The following CORIN variants were observed in gnomAD, a reference collection of about 807,000 sequenced individuals.
The protein encoded by CORIN is atrial natriuretic peptide-converting enzyme.
A neutral mutation model predicts 125.3 loss-of-function variants in CORIN; 117 were observed. The ratio of observed to expected loss-of-function variants is 0.93; its 90% CI spans 0.80 to 1.09. The LOEUF is 1.09. CORIN is among the 50% of genes least tolerant of loss of function. The probability of loss-of-function intolerance (pLI) is 0.00; values close to 1 mark genes in which losing one functional copy is unlikely to be tolerated. For missense variants in CORIN, 1,253 were observed against 1,306.7 expected (o/e 0.96, Z 0.63); for synonymous variants, 450 against 466.4 (o/e 0.96, Z 0.45).
intron 2 of CORIN, among the ~76,000 whole-genome samples, chr4:47,793,260 C>G (rs1731155773): frequency 6.6e-6 from 1 of 152,078 alleles, no homozygotes; most frequent in Non-Finnish European, 1.5e-5. Context: ...ACATCAATCC[C>G]CGAGCAGAAC....
intron 5 of CORIN, among the ~76,000 whole-genome samples, chr4:47,738,926 A>T (rs1399258109): frequency 6.6e-6 from 1 of 151,918 alleles, no homozygotes; most frequent in Admixed American, 6.6e-5. Flanking sequence ...AACTGAAATT[A>T]AAAATTTACT....
chr4:47,823,656 G>C (rs749265940), intron 1 of CORIN, among the ~76,000 whole-genome samples: 4 of 152,172 alleles, frequency 2.6e-5, no homozygotes. Flanking sequence ...CAGAGGTCCA[G>C]ATCTACTATA....
At chr4:47,640,215 T>C (rs1723182504) in intron 16 of CORIN, among the ~76,000 whole-genome samples, 1 of 152,128 alleles carries the variant, frequency 6.6e-6, no homozygotes, top group Non-Finnish European at 1.5e-5. Context: ...TTTTTAAAAA[T>C]CCACTGTGCA....
intron 5 of CORIN, among the ~76,000 whole-genome samples, chr4:47,719,749 A>G (rs1193578235): frequency 6.6e-6 from 1 of 152,214 alleles, no homozygotes; most frequent in Non-Finnish European, 1.5e-5. Flanking sequence ...GAAAATTGGA[A>G]ACAGCTTAGC....
intron 5 of CORIN, among the ~76,000 whole-genome samples, chr4:47,696,646 C>G (rs114756375): frequency 1.3e-5 from 2 of 152,092 alleles, no homozygotes; most frequent in African/African-American, 4.8e-5. Context: ...GTTTACATGT[C>G]CAGATGATGG....
intron 5 of CORIN, among the ~76,000 whole-genome samples, chr4:47,734,391 C>T (rs892231244): frequency 8.5e-5 from 13 of 152,148 alleles, no homozygotes; most frequent in African/African-American, 3.1e-4. Flanking sequence ...GTCCACAGTG[C>T]CGAATATCTT....
chr4:47,659,041 T>G (rs1431850150), intron 12 of CORIN, among the ~76,000 whole-genome samples: 1 of 152,218 alleles, frequency 6.6e-6, no homozygotes, highest in Non-Finnish European at 1.5e-5. Flanking sequence ...CAACAGATCC[T>G]TAGGGCATAA....
intron 2 of CORIN, among the ~76,000 whole-genome samples, chr4:47,795,240 T>C (rs1451987820): frequency 6.6e-6 from 1 of 152,158 alleles, no homozygotes; most frequent in Non-Finnish European, 1.5e-5. Flanking sequence ...TCTATCTTTG[T>C]CGTTTCTGCT....
At chr4:47,752,885 T>G (rs1268355568) in intron 4 of CORIN, among the ~76,000 whole-genome samples, 2 of 152,174 alleles carry the variant, frequency 1.3e-5, no homozygotes, top group Non-Finnish European at 2.9e-5. Flanking sequence ...GTGCAATTGT[T>G]GAATTATTTT....
intron 1 of CORIN, among the ~76,000 whole-genome samples, chr4:47,830,482 C>T (rs1452577095): frequency 1.3e-5 from 2 of 152,200 alleles, no homozygotes; most frequent in African/African-American, 4.8e-5. Context: ...TCCCTGCACT[C>T]ATGGTTTAGG....
chr4:47,655,435 G>A (rs1299345962), intron 12 of CORIN, among the ~76,000 whole-genome samples: 1 of 152,130 alleles, frequency 6.6e-6, no homozygotes, highest in East Asian at 1.9e-4. Context: ...TGAGTCAGAG[G>A]GGAGCCCCCT....
At chr4:47,630,002 G>C (rs1291319948) in intron 16 of CORIN, among the ~76,000 whole-genome samples, 2 of 152,146 alleles carry the variant, frequency 1.3e-5, no homozygotes, top group African/African-American at 4.8e-5. Context: ...ACCCTACACA[G>C]TTCTCCCCCA....
chr4:47,774,706 C>T (rs1048178140), intron 3 of CORIN, among the ~76,000 whole-genome samples: 3 of 152,072 alleles, frequency 2.0e-5, no homozygotes, highest in Non-Finnish European at 4.4e-5. Context: ...TTATCATGTG[C>T]CAGACTGTAA....
intron 5 of CORIN, chr4:47,706,780 T>A: frequency 1.3e-6 from 2 of 1,598,496 alleles, no homozygotes; most frequent in Non-Finnish European, 1.7e-6. Context: ...TCCTCATTGA[T>A]CCATTCCATA....
intron 4 of CORIN, among the ~76,000 whole-genome samples, chr4:47,749,292 C>T (rs562628641): frequency 2.0e-5 from 3 of 152,260 alleles, no homozygotes; most frequent in Non-Finnish European, 4.4e-5. Flanking sequence ...CATTAGTCTA[C>T]ATAAGATTGT....
chr4:47,596,011 A>G (rs944590158), intron 21 of CORIN, 108 bp from the exon 22 acceptor site: 8 of 834,452 alleles, frequency 9.6e-6, no homozygotes, highest in Non-Finnish European at 6.9e-6. Flanking sequence ...ACCAACTTGG[A>G]AAGTTTCAAC....
intron 3 of CORIN, among the ~76,000 whole-genome samples, chr4:47,770,085 G>A (rs1259144579): frequency 1.3e-5 from 2 of 152,036 alleles, no homozygotes; most frequent in Admixed American, 1.3e-4. Context: ...TACAAAATGG[G>A]AGAAAATATT....
Position 47,680,268 on chromosome 4 carries a change from T to C in CORIN, c.1022-17A>G, listed in dbSNP as rs756850998. ...GATTGCAATCTGGAGAAATGAAAACTCACGAGGATGCAGAGAACCAGCATG... is the reference window on the plus strand; with the variant it reads ...GATTGCAATCTGGAGAAATGAAAACCCACGAGGATGCAGAGAACCAGCATG... On this transcript the variant is annotated splice_polypyrimidine_tract_variant and intron_variant, in intron 7 of 21. Transcript: ENST00000273857. 1 of 1,585,638 alleles carries C rather than the reference T, an allele frequency of 6.3e-7. No individual in the cohort carries two copies. Among genetic ancestry groups the C allele is most frequent in the Non-Finnish European group, 8.7e-7 (1 of 1,154,884 alleles).
intron 5 of CORIN, among the ~76,000 whole-genome samples, chr4:47,724,730 C>T (rs1301152001): frequency 1.3e-5 from 2 of 152,164 alleles, no homozygotes; most frequent in Admixed American, 1.3e-4. Flanking sequence ...CCAACTCATA[C>T]AGAAAAAGCA....
Sources: allele counts gnomAD v4.1 joint callset (sites outside exome capture counted in the v4.1 genomes callset), GRCh38; gene constraint gnomAD v4.1.1; transcripts MANE v1.5; gene names NCBI Gene and HGNC (gene_info 2026-07-23, HGNC 2026-07-21).